Variants in NUCKS1 observed in about 807,000 individuals in gnomAD.
NUCKS1 encodes the protein nuclear ubiquitous casein and cyclin-dependent kinase substrate 1.
Under a neutral mutation model 33.0 loss-of-function variants are expected in NUCKS1, and 2 were observed. The ratio of observed to expected loss-of-function variants is 0.06; its 90% CI spans 0.02 to 0.19. The LOEUF (loss-of-function observed/expected upper bound fraction) is 0.19, where lower values mean the gene tolerates loss of function less well. Among genes scored for constraint, NUCKS1 ranks in the 10% least tolerant of loss-of-function variants. The pLI, the probability that NUCKS1 is intolerant of heterozygous loss-of-function variation, is 1.00. For synonymous variants in NUCKS1, 106 were observed against 102.8 expected (o/e 1.03, Z -0.19); for missense variants, 201 against 293.6 (o/e 0.68, Z 2.31).
intron 1 of NUCKS1, chr1:205,731,309 C>G (rs946694037): frequency 1.3e-5 from 2 of 152,300 alleles, no homozygotes; most frequent in Non-Finnish European, 2.9e-5. Context: ...AATGGTTAGC[C>G]TGTCCTGACT....
In NUCKS1 at chr1:205,715,121, C is replaced by T. The variant is rs551177953; in HGVS notation, c.*3159G>A. On this transcript the variant is annotated 3_prime_UTR_variant, in exon 7 of 7. Coordinates refer to ENST00000367142, the MANE Select transcript of NUCKS1 (RefSeq NM_022731.5). ...AAAAAAAGAGTCAAGTTTAGTCTAG[C>T]TGACCATATTCACAAGTGTTAAAAA... 1 of 152,256 alleles carries T rather than the reference C, an allele frequency of 6.6e-6. No homozygotes were observed. The highest frequency in any genetic ancestry group is 1.9e-4 in the East Asian group (1 of 5,188). The allele number at this position is 152,256 out of a possible 1,614,324, so 9.4% of individuals were successfully genotyped here.
chr1:205,750,062 T>A lies in NUCKS1; in HGVS notation c.-89A>T. 3.6e-5 allele frequency: 29 copies of A among 813,282 alleles called. No homozygotes were observed. The highest frequency in any genetic ancestry group is 4.2e-5 in the Non-Finnish European group (27 of 637,458). The allele number at this position is 813,282 out of a possible 1,614,324, so 50.4% of individuals were successfully genotyped here. A position where few individuals can be genotyped will look rare whatever the true frequency, so the allele number is the denominator to read the frequency against. On this transcript the variant is annotated 5_prime_UTR_variant, in exon 1 of 7. Transcript: ENST00000367142. ...CTCGGCGCCCCACCCCCCCCGAACTTCAGCCGATGGGACCGCTGCTGCCGA... is the reference window on the plus strand; with the variant it reads ...CTCGGCGCCCCACCCCCCCCGAACTACAGCCGATGGGACCGCTGCTGCCGA...
chr1:205,721,037 G>A (rs1008779660), intron 4 of NUCKS1, among the ~76,000 whole-genome samples: 3 of 150,556 alleles, frequency 2.0e-5, no homozygotes, highest in Non-Finnish European at 3.0e-5. Flanking sequence ...CCATGTTCTC[G>A]CTTATAAGTG....
chr1:205,727,461 C>A (rs1461006242), intron 3 of NUCKS1, among the ~76,000 whole-genome samples: 1 of 152,166 alleles, frequency 6.6e-6, no homozygotes, highest in Non-Finnish European at 1.5e-5. Context: ...TGATTTGTGA[C>A]TGAATGAGAT....
chr1:205,718,790 T>C (rs1671872280), intron 6 of NUCKS1, among the ~76,000 whole-genome samples: 1 of 152,184 alleles, frequency 6.6e-6, no homozygotes, highest in South Asian at 2.1e-4. Flanking sequence ...CCTTAATTGC[T>C]TGGTAAACTA....
intron 5 of NUCKS1, 76 bp from the exon 6 acceptor site, chr1:205,719,752 G>A: frequency 6.7e-7 from 1 of 1,491,972 alleles, no homozygotes; most frequent in Non-Finnish European, 9.1e-7. Context: ...AGAGTGCTAA[G>A]AATGACTAGA....
Position 205,718,242 on chromosome 1 carries a change from T to C in NUCKS1, c.*38A>G, listed in dbSNP as rs926300877. On this transcript the variant is annotated 3_prime_UTR_variant, in exon 7 of 7. Coordinates refer to ENST00000367142, the MANE Select transcript of NUCKS1 (RefSeq NM_022731.5). ...CCTCTTTTTTCTTTTTTTTTCTTTT[T>C]TTTTTTAATAAAATCTCTCCCCAGA... 1.0e-5 allele frequency: 13 copies of C among 1,298,098 alleles called. No homozygotes were observed. Among genetic ancestry groups the C allele is most frequent in the Admixed American group, 4.9e-5 (2 of 41,130 alleles). 80.4% of individuals were successfully genotyped at this position (1,298,098 alleles called of 1,614,324 possible).
At position 205,717,958 on chromosome 1, in the gene NUCKS1, A is replaced by C. The variant is rs1671853817; in HGVS notation, c.*322T>G. The C allele has an allele frequency of 9.8e-7, 1 of 1,020,176 alleles. No individual in the cohort carries two copies. The highest frequency in any genetic ancestry group is 1.7e-5 in the African/African-American group (1 of 58,386). The allele number at this position is 1,020,176 out of a possible 1,614,324, so 63.2% of individuals were successfully genotyped here. The stretch of plus-strand genomic sequence containing the variant: ...AACCGTGGTACACCTTTCATTAAAA[A>C]TAAAAAGATGAAGCAGTCAATCCAG... On this transcript the variant is annotated 3_prime_UTR_variant, in exon 7 of 7. Coordinates refer to ENST00000367142, the MANE Select transcript of NUCKS1 (RefSeq NM_022731.5).
intron 3 of NUCKS1, among the ~76,000 whole-genome samples, chr1:205,726,413 C>A (rs1316787938): frequency 6.6e-6 from 1 of 152,148 alleles, no homozygotes; most frequent in Non-Finnish European, 1.5e-5. Flanking sequence ...AGACTTGTTT[C>A]CCAACAGTAT....
In NUCKS1 at chr1:205,714,835, G is replaced by A. The variant is rs948351654; in HGVS notation, c.*3445C>T. ...TTCTTCCTTTTCAAATTCTTAAGGT[G>A]AAAGTTTTTTCCTTTCAGTGCAGCT... On this transcript the variant is annotated 3_prime_UTR_variant, in exon 7 of 7. Transcript: ENST00000367142. 6.6e-6 allele frequency: 1 copy of A among 152,170 alleles called. No homozygotes were observed. Among genetic ancestry groups the A allele is most frequent in the African/African-American group, 2.4e-5 (1 of 41,436 alleles). 9.4% of individuals were successfully genotyped at this position (152,170 alleles called of 1,614,324 possible).
chr1:205,732,869 T>A lies in NUCKS1; in HGVS notation c.18-3248A>T, dbSNP rs563697116. On this transcript the variant is annotated intron_variant, in intron 1 of 6. Coordinates refer to ENST00000367142, the MANE Select transcript of NUCKS1 (RefSeq NM_022731.5). Reference sequence around the variant, plus strand: ...ATATTTTCTTTCTTAAAAATATGACTATGAAAAAATCTAATATTTTTGGGC... The same window carrying A: ...ATATTTTCTTTCTTAAAAATATGACAATGAAAAAATCTAATATTTTTGGGC... Among the ~76,000 whole-genome samples, 29 of 151,872 alleles carry A rather than the reference T, an allele frequency of 1.9e-4. No homozygotes were observed. The South Asian group carries it at 4.4e-3, about 23-fold the overall frequency.
chr1:205,718,628 AT>A, intron 6 of NUCKS1, 149 bp from the exon 7 acceptor site: 1 of 1,050,314 alleles, frequency 9.5e-7, no homozygotes, highest in Non-Finnish European at 1.4e-6. Flanking sequence ...GGGAGCACAT[AT>A]ATCCCTAGGT....
chr1:205,727,623 C>G, intron 3 of NUCKS1, 77 bp downstream of exon 3: 1 of 974,016 alleles, frequency 1.0e-6, no homozygotes. Context: ...GAGATTCCAA[C>G]AATTTAGAGA....
chr1:205,719,397 T>C, intron 6 of NUCKS1, 130 bp downstream of exon 6: 1 of 907,686 alleles, frequency 1.1e-6, no homozygotes, highest in Non-Finnish European at 1.7e-6. Flanking sequence ...TACAAGACCC[T>C]TTTAGATTTC....
Position 205,717,612 on chromosome 1 carries a change from A to AG in NUCKS1, c.*667dup, listed in dbSNP as rs1671845877. The AG allele has an allele frequency of 3.0e-6, 3 of 985,278 alleles. No individual in the cohort carries two copies. In the African/African-American group the frequency reaches 5.2e-5, roughly 17 times the overall value. 61.0% of individuals were successfully genotyped at this position (985,278 alleles called of 1,614,324 possible). A position where few individuals can be genotyped will look rare whatever the true frequency, so the allele number is the denominator to read the frequency against. On this transcript the variant is annotated 3_prime_UTR_variant, in exon 7 of 7. Transcript: ENST00000367142. The stretch of plus-strand genomic sequence containing the variant: ...AAAAGAAAGCCCATACCCTCAAATA[A>AG]GGTCAGGTAACCCCATTGCCCACCC...
chr1:205,745,630 T>C lies in NUCKS1; in HGVS notation c.17+4327A>G, dbSNP rs548227337. On this transcript the variant is annotated intron_variant, in intron 1 of 6. Coordinates refer to ENST00000367142, the MANE Select transcript of NUCKS1 (RefSeq NM_022731.5). ...TGGAATGTATTCACCATTGAGGAGA[T>C]ATTAAAAAAAACCTGACCATCTTCA... 4.6e-5 allele frequency among the ~76,000 whole-genome samples: 7 copies of C among 152,296 alleles called. No homozygotes were observed. The South Asian group carries it at 1.4e-3, about 32-fold the overall frequency.
At chr1:205,742,247 AGAACT>A (rs1424388671) in intron 1 of NUCKS1, among the ~76,000 whole-genome samples, 2 of 152,242 alleles carry the variant, frequency 1.3e-5, no homozygotes, top group Admixed American at 1.3e-4. Flanking sequence ...TGCTTAGCAC[AGAACT>A]GAACAGATAC....
At chr1:205,729,251 G>A (rs1225614928) in intron 2 of NUCKS1, among the ~76,000 whole-genome samples, 8 of 152,214 alleles carry the variant, frequency 5.3e-5, no homozygotes, top group African/African-American at 1.9e-4. Context: ...TTACAGGCAT[G>A]AGCCATGGCG....
At chr1:205,748,672 C>A (rs1654391946) in intron 1 of NUCKS1, among the ~76,000 whole-genome samples, 1 of 152,164 alleles carries the variant, frequency 6.6e-6, no homozygotes, top group South Asian at 2.1e-4. Context: ...GGAGGATGAT[C>A]TAGTCTGGAG....
Sources: gnomAD v4.1 joint callset for allele counts (sites outside exome capture counted in the v4.1 genomes callset) on GRCh38, gnomAD v4.1.1 for gene constraint, MANE v1.5 for transcripts, NCBI Gene and HGNC (gene_info 2026-07-23, HGNC 2026-07-21) for gene names.